Variants in ARHGEF10 observed in about 807,000 individuals in gnomAD.
The protein encoded by ARHGEF10 is Rho guanine nucleotide exchange factor 10.
A neutral mutation model predicts 147.4 loss-of-function variants in ARHGEF10; 140 were observed. The observed-to-expected ratio is 0.95, with a 90% confidence interval of 0.83 to 1.09. The LOEUF is 1.09. ARHGEF10 is among the 50% of genes least tolerant of loss of function. The pLI is 0.00. For synonymous variants in ARHGEF10, 902 were observed against 695.8 expected (o/e 1.30, Z -4.67); for missense variants, 2,222 against 1,752.7 (o/e 1.27, Z -4.78).
chr8:1,888,104 TGAGGAGA>T, intron 11 of ARHGEF10, among the ~76,000 whole-genome samples: 1 of 125,138 alleles, frequency 8.0e-6, no homozygotes, highest in African/African-American at 3.5e-5. Context: ...GTGAATGTTT[TGAGGAGA>T]CACTTAGTGG....
At chr8:1,935,673 T>C (rs1202488123) in intron 26 of ARHGEF10, among the ~76,000 whole-genome samples, 1 of 152,208 alleles carries the variant, frequency 6.6e-6, no homozygotes, top group Non-Finnish European at 1.5e-5. Context: ...AGAGAAATCC[T>C]CTCTACAGAG....
intron 11 of ARHGEF10, 93 bp from the exon 12 acceptor site, chr8:1,893,476 G>A: frequency 1.2e-6 from 1 of 853,876 alleles, no homozygotes; most frequent in Non-Finnish European, 2.0e-6. Flanking sequence ...AAATAGAAAA[G>A]TTACTTATCA....
chr8:1,839,828 T>G (rs1371221242), intron 1 of ARHGEF10, among the ~76,000 whole-genome samples: 2 of 146,620 alleles, frequency 1.4e-5, no homozygotes, highest in African/African-American at 5.2e-5. Flanking sequence ...CTGTCTGGTG[T>G]GGGGACTGTC....
intron 15 of ARHGEF10, among the ~76,000 whole-genome samples, chr8:1,902,710 C>T (rs1810566572): frequency 6.6e-6 from 1 of 152,166 alleles, no homozygotes; most frequent in African/African-American, 2.4e-5. Context: ...TACCCTTGTG[C>T]TGTGCATTCG....
intron 26 of ARHGEF10, among the ~76,000 whole-genome samples, chr8:1,941,072 A>G (rs1299344370): frequency 6.6e-6 from 1 of 152,244 alleles, no homozygotes; most frequent in Non-Finnish European, 1.5e-5. Context: ...CAAGACAAAG[A>G]TGCCTTCTGC....
intron 15 of ARHGEF10, among the ~76,000 whole-genome samples, chr8:1,902,096 A>T (rs1026569535): frequency 6.6e-6 from 1 of 152,068 alleles, no homozygotes; most frequent in Non-Finnish European, 1.5e-5. Context: ...CCCGTCATCT[A>T]GGTTTTAAGC....
At chr8:1,913,618 G>A (rs1305467639) in intron 18 of ARHGEF10, among the ~76,000 whole-genome samples, 8 of 152,158 alleles carry the variant, frequency 5.3e-5, no homozygotes, top group East Asian at 1.9e-4. Context: ...CAATACCAGC[G>A]TCCCGTCCCT....
upstream of ARHGEF10, among the ~76,000 whole-genome samples, chr8:1,823,574 A>T (rs553661534): frequency 4.5e-4 from 68 of 151,964 alleles, no homozygotes; most frequent in African/African-American, 1.6e-3. Flanking sequence ...CAAGGGGCGC[A>T]GCTCTGAGCC....
At chr8:1,920,466 G>A (rs993334127) in intron 18 of ARHGEF10, among the ~76,000 whole-genome samples, 1 of 151,386 alleles carries the variant, frequency 6.6e-6, no homozygotes, top group Non-Finnish European at 1.5e-5. Flanking sequence ...GGGACTACAG[G>A]CGCGCATCAC....
chr8:1,900,253 A>G (rs1466551535), intron 15 of ARHGEF10, among the ~76,000 whole-genome samples: 3 of 152,106 alleles, frequency 2.0e-5, no homozygotes, highest in Non-Finnish European at 2.9e-5. Flanking sequence ...GGCTGCTGGA[A>G]ACGGAACAGG....
intron 17 of ARHGEF10, among the ~76,000 whole-genome samples, chr8:1,909,011 C>T (rs1042883420): frequency 1.3e-5 from 2 of 152,202 alleles, no homozygotes; most frequent in African/African-American, 2.4e-5. Flanking sequence ...CAGCAAGCAC[C>T]GAGCTGCTTC....
intron 2 of ARHGEF10, among the ~76,000 whole-genome samples, chr8:1,844,756 C>T (rs1341591647): frequency 6.6e-6 from 1 of 152,080 alleles, no homozygotes; most frequent in Non-Finnish European, 1.5e-5. Flanking sequence ...TCAGGCTCTG[C>T]CAGACTAGGT....
At chr8:1,875,522 G>T (rs933283426) in intron 7 of ARHGEF10, among the ~76,000 whole-genome samples, 1 of 152,190 alleles carries the variant, frequency 6.6e-6, no homozygotes, top group Non-Finnish European at 1.5e-5. Context: ...ACTGCTGGGT[G>T]CCCGGGTGGT....
At chr8:1,904,946 C>T (rs1810763613) in intron 16 of ARHGEF10, among the ~76,000 whole-genome samples, 1 of 152,110 alleles carries the variant, frequency 6.6e-6, no homozygotes, top group Non-Finnish European at 1.5e-5. Flanking sequence ...CATGACAAAA[C>T]CCCGTCTCTA....
At chr8:1,936,808 C>G (rs1813649898) in intron 26 of ARHGEF10, among the ~76,000 whole-genome samples, 1 of 152,232 alleles carries the variant, frequency 6.6e-6, no homozygotes, top group African/African-American at 2.4e-5. Flanking sequence ...GCTGCATCCT[C>G]TGTCATCTCA....
chr8:1,866,120 C>T (rs1360625457), intron 5 of ARHGEF10, among the ~76,000 whole-genome samples: 1 of 152,218 alleles, frequency 6.6e-6, no homozygotes, highest in African/African-American at 2.4e-5. Context: ...CTCCCACTGA[C>T]CTGCTCCTGG....
chr8:1,924,030 G>A (rs541454887), intron 21 of ARHGEF10, among the ~76,000 whole-genome samples, 156 bp downstream of exon 21: 5 of 152,270 alleles, frequency 3.3e-5, no homozygotes, highest in South Asian at 2.1e-4. Flanking sequence ...CCCTGGCACC[G>A]GCGATTTTTT....
intron 18 of ARHGEF10, among the ~76,000 whole-genome samples, chr8:1,921,405 A>G (rs900242053): frequency 1.3e-5 from 2 of 152,262 alleles, no homozygotes; most frequent in Non-Finnish European, 2.9e-5. Context: ...AGGAAAATGC[A>G]GAGTCCTTTC....
Position 1,825,526 on chromosome 8 carries a change from C to T in ARHGEF10, c.-48+1413C>T, listed in dbSNP as rs188508211. On this transcript the variant is annotated intron_variant, in intron 1 of 28. Coordinates refer to ENST00000349830, the MANE Select transcript of ARHGEF10 (RefSeq NM_014629.4). ...CCCGTACTCCACCTGTTCCCCTGCA[C>T]CCCACAGCCCGCTGGTGCCCAAGAA... 3.0e-3 allele frequency among the ~76,000 whole-genome samples: 452 copies of T among 149,806 alleles called. 1 individual carries two copies. The highest frequency in any genetic ancestry group is 1.7e-3 in the Non-Finnish European group (115 of 67,608).
Sources: allele counts gnomAD v4.1 joint callset (sites outside exome capture counted in the v4.1 genomes callset), GRCh38; gene constraint gnomAD v4.1.1; transcripts MANE v1.5; gene names NCBI Gene and HGNC (gene_info 2026-07-23, HGNC 2026-07-21).